Variants in RECK observed in about 807,000 individuals in gnomAD.
The protein encoded by RECK is reversion inducing cysteine rich protein with kazal motifs.
In RECK, 69 loss-of-function variants were observed where a neutral mutation model predicts 115.1. That is an observed-to-expected ratio of 0.60 (90% confidence interval 0.49 to 0.73). The LOEUF (loss-of-function observed/expected upper bound fraction) is 0.73, where lower values mean the gene tolerates loss of function less well. Among genes scored for constraint, RECK ranks in the 30% least tolerant of loss-of-function variants. RECK has a pLI of 0.00. For missense variants in RECK, 1,047 were observed against 1,203.7 expected (o/e 0.87, Z 1.93); for synonymous variants, 414 against 419.7 (o/e 0.99, Z 0.17).
intron 16 of RECK, among the ~76,000 whole-genome samples, chr9:36,113,775 T>C (rs1462221926): frequency 1.3e-5 from 2 of 152,232 alleles, no homozygotes; most frequent in East Asian, 1.9e-4. Flanking sequence ...ATCAACCTAA[T>C]ATCAAAATGG....
In RECK at chr9:36,052,262, T is replaced by C; in HGVS notation, c.101-3T>C. On this transcript the variant is annotated splice_region_variant and splice_polypyrimidine_tract_variant and intron_variant, in intron 1 of 20. Coordinates refer to ENST00000377966, the MANE Select transcript of RECK (RefSeq NM_021111.3). ...ACATTTGATGTTTATTTTTTCTCCC[T>C]AGGTGCATTGTGTTGTAATCATTCA... 1 of 1,596,000 alleles carries C rather than the reference T, an allele frequency of 6.3e-7. No homozygotes were observed. Among genetic ancestry groups the C allele is most frequent in the African/African-American group, 1.3e-5 (1 of 74,704 alleles).
intron 7 of RECK, among the ~76,000 whole-genome samples, chr9:36,081,361 T>A (rs1407820494): frequency 1.3e-5 from 2 of 152,216 alleles, no homozygotes; most frequent in Non-Finnish European, 2.9e-5. Context: ...TTCCAGGTAG[T>A]CTCAGGCATG....
At chr9:36,068,374 C>A (rs1822095532) in intron 6 of RECK, among the ~76,000 whole-genome samples, 1 of 152,110 alleles carries the variant, frequency 6.6e-6, no homozygotes, top group South Asian at 2.1e-4. Context: ...ATCTTTTAAG[C>A]CTAGTTTCCT....
chr9:36,049,044 A>G (rs1240661456), intron 1 of RECK, among the ~76,000 whole-genome samples: 1 of 152,172 alleles, frequency 6.6e-6, no homozygotes, highest in African/African-American at 2.4e-5. Flanking sequence ...ACTTTAAATA[A>G]TGGTTTTAAT....
chr9:36,090,603 G>A (rs542397208), intron 9 of RECK, among the ~76,000 whole-genome samples: 2 of 152,096 alleles, frequency 1.3e-5, no homozygotes, highest in Admixed American at 1.3e-4. Flanking sequence ...TAATCATTGA[G>A]TACTAAAAAT....
chr9:36,060,154 AG>A lies in RECK; in HGVS notation c.271+1del. 1 of 1,613,372 alleles carries A rather than the reference AG, an allele frequency of 6.2e-7. No individual in the cohort carries two copies. Among genetic ancestry groups the A allele is most frequent in the Non-Finnish European group, 8.5e-7 (1 of 1,179,526 alleles). ...GGAATTGTATGAATTCATCTTTGCC[AG>A]GTAAGCAATAAAAGTGTAACATTTA... ...IWNCMNSSLP[G>X]VFKKSDGWVG... On this transcript the variant is annotated frameshift_variant and splice_region_variant, in exon 4 of 21. Transcript: ENST00000377966. LOFTEE classifies it high-confidence loss of function.
rs993245137 is a variant in RECK at position 36,059,040 on chromosome 9, T to TA, written c.234+147dup. 148 of 436,708 alleles carry TA rather than the reference T, an allele frequency of 3.4e-4. 1 individual carries two copies. The East Asian group carries it at 4.6e-3, about 14-fold the overall frequency. 27.1% of individuals were successfully genotyped at this position (436,708 alleles called of 1,614,324 possible). ...AAATGTTAAGTTTAACTTAAATACT[T>TA]AAAAAAAATCTTCATATAAATTGCT... On this transcript the variant is annotated intron_variant, in intron 3 of 20. Coordinates refer to ENST00000377966, the MANE Select transcript of RECK (RefSeq NM_021111.3).
intron 2 of RECK, among the ~76,000 whole-genome samples, chr9:36,056,252 AT>A (rs557474609): frequency 0.021 from 3,227 of 151,270 alleles, 34 homozygotes; most frequent in Non-Finnish European, 0.032. Flanking sequence ...TAAAAAAAAA[AT>A]AACCACAATA....
At chr9:36,099,993 T>C (rs975852507) in intron 10 of RECK, among the ~76,000 whole-genome samples, 3 of 152,208 alleles carry the variant, frequency 2.0e-5, no homozygotes, top group African/African-American at 7.2e-5. Context: ...TGCATTTTGC[T>C]TTTGTAAATT....
intron 11 of RECK, among the ~76,000 whole-genome samples, chr9:36,100,975 G>GTTTT (rs567284866): frequency 5.5e-4 from 80 of 146,734 alleles, no homozygotes; most frequent in African/African-American, 1.8e-3. Context: ...TTTGTTTTGT[G>GTTTT]TTTTTTTTTT....
intron 12 of RECK, among the ~76,000 whole-genome samples, chr9:36,103,806 C>T (rs1028474492): frequency 2.0e-5 from 3 of 152,128 alleles, no homozygotes; most frequent in Non-Finnish European, 4.4e-5. Context: ...CTTCTTTGAG[C>T]CTCGGCTTCC....
intron 16 of RECK, among the ~76,000 whole-genome samples, chr9:36,113,345 A>G (rs149374937): frequency 6.6e-6 from 1 of 152,226 alleles, no homozygotes; most frequent in African/African-American, 2.4e-5. Flanking sequence ...AGACTCTCTC[A>G]TGTGTTAAAA....
Position 36,091,228 on chromosome 9 carries a change from C to T in RECK, c.970C>T (p.Arg324Cys), listed in dbSNP as rs1489946281. Residue 324 changes from arginine (R) to cysteine (C), a missense_variant, in exon 10 of 21, where the codon CGC becomes TGC. Physicochemically the swap from Arg to Cys is radical, Grantham distance 180 (BLOSUM62 -3). Transcript: ENST00000377966. The stretch of plus-strand genomic sequence containing the variant: ...TACACAGAGTTGGCAAGAGTTTGAT[C>T]GCTTTTGTGAATATAATCCAGTGGA... ...GNTQSWQEFD[R>C]FCEYNPVEVS... 8 of 1,613,854 alleles carry T rather than the reference C, an allele frequency of 5.0e-6. No homozygotes were observed. The highest frequency in any genetic ancestry group is 2.2e-5 in the East Asian group (1 of 44,880).
Position 36,123,102 on chromosome 9 carries a change from C to A in RECK, c.*57C>A. 2 of 1,358,250 alleles carry A rather than the reference C, an allele frequency of 1.5e-6. No homozygotes were observed. Among genetic ancestry groups the A allele is most frequent in the Non-Finnish European group, 2.1e-6 (2 of 972,572 alleles). The allele number at this position is 1,358,250 out of a possible 1,614,324, so 84.1% of individuals were successfully genotyped here. On this transcript the variant is annotated 3_prime_UTR_variant, in exon 21 of 21. Transcript: ENST00000377966. ...CCTCACTCTCCTGCCTTGAAAAAGA[C>A]ATTCAGGACTGCTGGTTTGTAGTTG...
intron 2 of RECK, among the ~76,000 whole-genome samples, chr9:36,055,614 A>T (rs1228751137): frequency 6.6e-6 from 1 of 152,198 alleles, no homozygotes; most frequent in African/African-American, 2.4e-5. Context: ...GTCCCAAGCC[A>T]ATTAGTTGAG....
rs903119338 is a variant in RECK, at chr9:36,098,958, G to T, written c.1086-1373G>T. 1.6e-4 allele frequency among the ~76,000 whole-genome samples: 25 copies of T among 152,278 alleles called. 1 individual carries two copies. The highest frequency in any genetic ancestry group is 1.2e-3 in the Admixed American group (19 of 15,290). On this transcript the variant is annotated intron_variant, in intron 10 of 20. Coordinates refer to ENST00000377966, the MANE Select transcript of RECK (RefSeq NM_021111.3). Reference sequence around the variant, plus strand: ...AAAATGTTCTAGCCCAGGCATGATGGCTCACACCTATAATCCCAACACTTT... The same window carrying T: ...AAAATGTTCTAGCCCAGGCATGATGTCTCACACCTATAATCCCAACACTTT...
chr9:36,098,769 G>T (rs1370023163), intron 10 of RECK, among the ~76,000 whole-genome samples: 2 of 152,168 alleles, frequency 1.3e-5, no homozygotes, highest in African/African-American at 4.8e-5. Flanking sequence ...AGCAATGGAT[G>T]AATCTTACAT....
intron 7 of RECK, among the ~76,000 whole-genome samples, chr9:36,082,188 C>CTCTCTCTCTCTCTCTCTCTCTCTCTCT: frequency 6.8e-6 from 1 of 146,602 alleles, no homozygotes; most frequent in East Asian, 2.0e-4. Context: ...CTCTCTCTCT[C>CTCTCTCTCTCTCTCTCTCTCTCTCTCT]CTTTTTTCTT....
chr9:36,078,740 A>G (rs1402446882), intron 6 of RECK, among the ~76,000 whole-genome samples: 1 of 152,200 alleles, frequency 6.6e-6, no homozygotes, highest in Non-Finnish European at 1.5e-5. Flanking sequence ...TTCAGGTACA[A>G]GGTCAAAAAA....
Sources: gnomAD v4.1 joint callset for allele counts (sites outside exome capture counted in the v4.1 genomes callset) on GRCh38, gnomAD v4.1.1 for gene constraint, MANE v1.5 for transcripts, NCBI Gene and HGNC (gene_info 2026-07-23, HGNC 2026-07-21) for gene names.